Variants in CALN1 observed in about 807,000 individuals in gnomAD.
CALN1 encodes calneuron 1, also known as calcium-binding protein 8.
Under a neutral mutation model 30.6 loss-of-function variants are expected in CALN1, and 17 were observed. The ratio of observed to expected loss-of-function variants is 0.56; its 90% CI spans 0.38 to 0.83. CALN1 has a LOEUF of 0.83. Among genes scored for constraint, CALN1 ranks in the 40% least tolerant of loss-of-function variants. The pLI, the probability that CALN1 is intolerant of heterozygous loss-of-function variation, is 0.00. For missense variants in CALN1, 291 were observed against 354.9 expected, an observed-to-expected ratio of 0.82 and a Z score of 1.45; for synonymous variants, 156 against 131.4, an observed-to-expected ratio of 1.19 and a Z score of -1.28.
chr7:71,829,860 T>C (rs942127663), intron 5 of CALN1, among the ~76,000 whole-genome samples: 1 of 152,180 alleles, frequency 6.6e-6, no homozygotes, highest in Middle Eastern at 3.2e-3. Flanking sequence ...AAATTCCCCA[T>C]TGCACATCGA....
chr7:72,211,450 A>G (rs1271857033), intron 3 of CALN1, among the ~76,000 whole-genome samples: 2 of 152,154 alleles, frequency 1.3e-5, no homozygotes, highest in Non-Finnish European at 1.5e-5. Flanking sequence ...GCAAGAAAGG[A>G]GAGATCACAT....
chr7:72,173,900 A>G (rs1325800270), intron 3 of CALN1, among the ~76,000 whole-genome samples: 2 of 152,054 alleles, frequency 1.3e-5, no homozygotes, highest in African/African-American at 4.8e-5. Flanking sequence ...ATAGCACACA[A>G]AAAGTATGAA....
intron 3 of CALN1, among the ~76,000 whole-genome samples, chr7:72,151,439 A>C (rs1052532083): frequency 6.6e-6 from 1 of 152,118 alleles, no homozygotes; most frequent in Admixed American, 6.6e-5. Context: ...TATCTCAGTA[A>C]AGATCCTATC....
chr7:71,798,773 C>CA (rs1248857830), intron 6 of CALN1, among the ~76,000 whole-genome samples: 4 of 151,874 alleles, frequency 2.6e-5, no homozygotes, highest in Admixed American at 6.6e-5. Flanking sequence ...AGGCATGCAC[C>CA]ACCATGACCG....
chr7:72,399,226 G>A (rs1448213492), intron 2 of CALN1, among the ~76,000 whole-genome samples: 1 of 148,034 alleles, frequency 6.8e-6, no homozygotes, highest in African/African-American at 2.5e-5. Context: ...GAAGGGTGGT[G>A]TCCCTACCTC....
At chr7:72,420,615 A>G (rs1336220595) in intron 1 of CALN1, among the ~76,000 whole-genome samples, 1 of 145,290 alleles carries the variant, frequency 6.9e-6, no homozygotes, top group Non-Finnish European at 1.5e-5. Flanking sequence ...GCTGATCTGG[A>G]TGCATCTTTT....
intron 4 of CALN1, among the ~76,000 whole-genome samples, chr7:72,104,477 T>G (rs1363375541): frequency 1.3e-5 from 2 of 152,138 alleles, no homozygotes; most frequent in African/African-American, 2.4e-5. Context: ...CCATGGTGGT[T>G]TGCTGCACAG....
chr7:72,398,984 C>A (rs1191855654), intron 2 of CALN1, among the ~76,000 whole-genome samples: 3 of 152,148 alleles, frequency 2.0e-5, no homozygotes, highest in African/African-American at 7.2e-5. Flanking sequence ...CAAGGAGTCA[C>A]CTTGACAGGC....
chr7:72,204,283 C>G (rs1791667737), intron 3 of CALN1, among the ~76,000 whole-genome samples: 1 of 151,880 alleles, frequency 6.6e-6, no homozygotes, highest in Non-Finnish European at 1.5e-5. Flanking sequence ...GTGTGAGCCA[C>G]CGCACCCAGC....
chr7:71,936,318 G>A (rs768088296), intron 5 of CALN1, among the ~76,000 whole-genome samples: 8 of 146,970 alleles, frequency 5.4e-5, no homozygotes, highest in Non-Finnish European at 1.0e-4. Context: ...CTAACAAGGT[G>A]AAACCCCATC....
rs533313676 is a variant in CALN1, at chr7:72,121,483, T to G, written c.245-15189A>C. Among the ~76,000 whole-genome samples, 27 of 147,566 alleles carry G rather than the reference T, an allele frequency of 1.8e-4. No homozygotes were observed. In the East Asian group the frequency reaches 5.1e-3, roughly 28 times the overall value. Reference sequence around the variant, plus strand: ...TATATATAATATAGATATATAATTATGTTATTTATAATATATAAAAATCAA... The same window carrying G: ...TATATATAATATAGATATATAATTAGGTTATTTATAATATATAAAAATCAA... On this transcript the variant is annotated intron_variant, in intron 3 of 6. Coordinates refer to ENST00000395275, the MANE Select transcript of CALN1 (RefSeq NM_031468.4).
chr7:72,058,884 G>A (rs1226550034), intron 4 of CALN1, among the ~76,000 whole-genome samples: 1 of 152,060 alleles, frequency 6.6e-6, no homozygotes, highest in Non-Finnish European at 1.5e-5. Context: ...AGTCGAAAAC[G>A]AAGAACGCTG....
intron 5 of CALN1, among the ~76,000 whole-genome samples, chr7:71,900,155 C>T (rs1173980148): frequency 6.6e-6 from 1 of 152,054 alleles, no homozygotes; most frequent in East Asian, 1.9e-4. Context: ...TTTTAACATC[C>T]TGAATATTAC....
chr7:72,234,456 T>A (rs1487015271), intron 3 of CALN1, among the ~76,000 whole-genome samples: 1 of 152,112 alleles, frequency 6.6e-6, no homozygotes, highest in East Asian at 1.9e-4. Context: ...TTTGTTTTTT[T>A]GTTTTTTTGA....
upstream of CALN1, among the ~76,000 whole-genome samples, chr7:72,416,811 C>T (rs1173767736): frequency 6.6e-6 from 1 of 151,736 alleles, no homozygotes; most frequent in Non-Finnish European, 1.5e-5. Flanking sequence ...TGGGGACCCA[C>T]CTCTCCTGCA....
chr7:72,146,709 C>T (rs1033915147), intron 3 of CALN1, among the ~76,000 whole-genome samples: 2 of 152,186 alleles, frequency 1.3e-5, no homozygotes, highest in African/African-American at 4.8e-5. Context: ...CACTACCTGA[C>T]TTCAAACTAT....
At chr7:71,833,788 C>T (rs1005283920) in intron 5 of CALN1, among the ~76,000 whole-genome samples, 12 of 152,074 alleles carry the variant, frequency 7.9e-5, no homozygotes, top group African/African-American at 2.4e-4. Flanking sequence ...TGGTACAGGC[C>T]TGTCATAACA....
intron 3 of CALN1, among the ~76,000 whole-genome samples, chr7:72,257,037 T>C (rs1795960482): frequency 6.6e-6 from 1 of 152,162 alleles, no homozygotes; most frequent in Non-Finnish European, 1.5e-5. Flanking sequence ...ATAGGTTTAA[T>C]TGACTCACAC....
chr7:71,970,131 G>A (rs1215031051), intron 5 of CALN1, among the ~76,000 whole-genome samples: 1 of 152,104 alleles, frequency 6.6e-6, no homozygotes, highest in African/African-American at 2.4e-5. Flanking sequence ...TTACAGGCAT[G>A]AGCCACCACG....
Sources: gnomAD v4.1 joint callset for allele counts (sites outside exome capture counted in the v4.1 genomes callset) on GRCh38, gnomAD v4.1.1 for gene constraint, MANE v1.5 for transcripts, NCBI Gene and HGNC (gene_info 2026-07-23, HGNC 2026-07-21) for gene names.